HS3ST4: variants seen among roughly 807,000 people sequenced by gnomAD.
HS3ST4 encodes the protein heparan sulfate glucosamine 3-O-sulfotransferase 4.
Under a neutral mutation model 29.2 loss-of-function variants are expected in HS3ST4, and 17 were observed. The ratio of observed to expected loss-of-function variants is 0.58; its 90% CI spans 0.40 to 0.87. The LOEUF (loss-of-function observed/expected upper bound fraction) is 0.87, where lower values mean the gene tolerates loss of function less well. Among genes scored for constraint, HS3ST4 ranks in the 40% least tolerant of loss-of-function variants. HS3ST4 has a pLI of 0.00. For synonymous variants in HS3ST4, 314 were observed against 285.7 expected (o/e 1.10, Z -1.00); for missense variants, 627 against 634.5 (o/e 0.99, Z 0.13).
At chr16:26,092,115 TG>T (rs1278678552) in intron 1 of HS3ST4, among the ~76,000 whole-genome samples, 9 of 152,090 alleles carry the variant, frequency 5.9e-5, no homozygotes, top group Non-Finnish European at 1.3e-4. Flanking sequence ...GGGGACAGAA[TG>T]GGGTGCTCAC....
intron 1 of HS3ST4, among the ~76,000 whole-genome samples, chr16:26,054,734 A>G (rs554729844): frequency 1.3e-5 from 2 of 152,178 alleles, no homozygotes; most frequent in African/African-American, 4.8e-5. Context: ...GATTGTGGCT[A>G]TGGGTTCCAC....
intron 1 of HS3ST4, among the ~76,000 whole-genome samples, chr16:25,905,733 G>C (rs953194323): frequency 1.3e-5 from 2 of 152,130 alleles, no homozygotes; most frequent in Admixed American, 1.3e-4. Context: ...GAGAAATGGG[G>C]GAAGGCTATA....
intron 1 of HS3ST4, among the ~76,000 whole-genome samples, chr16:25,862,445 G>A (rs1197135358): frequency 6.6e-6 from 1 of 152,098 alleles, no homozygotes; most frequent in African/African-American, 2.4e-5. Flanking sequence ...CACCTGCCTG[G>A]GTCTCCCAAA....
rs145528504 is a variant in HS3ST4 at position 25,851,459 on chromosome 16, C to T, written c.734+158308C>T. On this transcript the variant is annotated intron_variant, in intron 1 of 1. Coordinates refer to ENST00000331351, the MANE Select transcript of HS3ST4 (RefSeq NM_006040.3). ...ATCTTCCCAAGTCTTCATTGCATGCCCACTCCTGCCATTGCCTGATTTTCT... is the reference window on the plus strand; with the variant it reads ...ATCTTCCCAAGTCTTCATTGCATGCTCACTCCTGCCATTGCCTGATTTTCT... Among the ~76,000 whole-genome samples, 603 of 152,238 alleles carry T rather than the reference C, an allele frequency of 4.0e-3. 1 individual carries two copies. The highest frequency in any genetic ancestry group is 0.014 in the African/African-American group (584 of 41,546).
At position 25,693,070 on chromosome 16, in the gene HS3ST4, G is replaced by T; in HGVS notation, c.653G>T (p.Arg218Leu). 1.2e-6 allele frequency: 2 copies of T among 1,608,686 alleles called. No individual in the cohort carries two copies. Among genetic ancestry groups the T allele is most frequent in the Non-Finnish European group, 1.7e-6 (2 of 1,177,962 alleles). The change falls in exon 1 of 2, where the codon CGC (arginine) becomes CTC (leucine). Residue 218 changes from arginine to leucine, a missense_variant. Physicochemically the swap from Arg to Leu is moderately radical, Grantham distance 102. Transcript: ENST00000331351. ...GGTRALLEAI[R>L]VHPDVRAVGV... ...ACCCGCGCGCTGCTGGAGGCGATCC[G>T]CGTGCACCCGGACGTGCGGGCGGTG... is the stretch of plus-strand genomic sequence containing the variant.
At chr16:25,898,704 T>G (rs757527673) in intron 1 of HS3ST4, among the ~76,000 whole-genome samples, 1 of 152,222 alleles carries the variant, frequency 6.6e-6, no homozygotes, top group Non-Finnish European at 1.5e-5. Context: ...CAAACAGTGT[T>G]ATTAAATCCT....
chr16:25,794,462 AT>A (rs944165845), intron 1 of HS3ST4, among the ~76,000 whole-genome samples: 88 of 141,692 alleles, frequency 6.2e-4, no homozygotes, highest in African/African-American at 1.1e-3. Context: ...AAATGTCCTT[AT>A]TTTTTTTTTT....
At position 25,858,937 on chromosome 16, in the gene HS3ST4, A is replaced by G. The variant is rs543212318; in HGVS notation, c.734+165786A>G. On this transcript the variant is annotated intron_variant, in intron 1 of 1. Coordinates refer to ENST00000331351, the MANE Select transcript of HS3ST4 (RefSeq NM_006040.3). ...CTCGAGAATACACCAGAAACCTGCA[A>G]CTTTTTGTCTTTCTTTAGTTTGGGT... is the stretch of plus-strand genomic sequence containing the variant. Among the ~76,000 whole-genome samples the G allele has an allele frequency of 2.6e-5, 4 of 152,068 alleles. No individual in the cohort carries two copies. The East Asian group carries it at 5.8e-4, about 22-fold the overall frequency.
chr16:26,130,025 C>T (rs970618330), intron 1 of HS3ST4, among the ~76,000 whole-genome samples: 14 of 152,134 alleles, frequency 9.2e-5, no homozygotes, highest in African/African-American at 3.4e-4. Context: ...CAGAGTGAGA[C>T]CCTAACTCTT....
At chr16:26,018,015 G>C (rs1023777235) in intron 1 of HS3ST4, among the ~76,000 whole-genome samples, 3 of 152,204 alleles carry the variant, frequency 2.0e-5, no homozygotes, top group Non-Finnish European at 4.4e-5. Context: ...TTGGATGCAT[G>C]GGTCAAAGAA....
At chr16:25,938,253 G>A (rs1968536734) in intron 1 of HS3ST4, among the ~76,000 whole-genome samples, 3 of 152,270 alleles carry the variant, frequency 2.0e-5, no homozygotes, top group Admixed American at 2.0e-4. Context: ...AGGAGGCCCA[G>A]GAAAGCTCTC....
chr16:26,061,024 T>G (rs752251010), intron 1 of HS3ST4, among the ~76,000 whole-genome samples: 1 of 152,200 alleles, frequency 6.6e-6, no homozygotes, highest in Non-Finnish European at 1.5e-5. Flanking sequence ...ACTTATTACA[T>G]GTTCCCATCT....
At chr16:25,969,466 G>A (rs1485999250) in intron 1 of HS3ST4, among the ~76,000 whole-genome samples, 1 of 152,200 alleles carries the variant, frequency 6.6e-6, no homozygotes, top group Admixed American at 6.5e-5. Context: ...GGGGGTGGAG[G>A]CACAGTCTGA....
At chr16:25,695,032 C>T (rs770978818) in intron 1 of HS3ST4, among the ~76,000 whole-genome samples, 1 of 152,144 alleles carries the variant, frequency 6.6e-6, no homozygotes, top group African/African-American at 2.4e-5. Flanking sequence ...TCCTAGATTC[C>T]TTTATGCTGA....
chr16:25,826,470 C>T (rs1967216554), intron 1 of HS3ST4: 1 of 152,052 alleles, frequency 6.6e-6, no homozygotes. Flanking sequence ...GGAATTTCCC[C>T]CTGGTGGGTC....
chr16:25,725,838 A>G (rs895988095), intron 1 of HS3ST4, among the ~76,000 whole-genome samples: 3 of 151,898 alleles, frequency 2.0e-5, no homozygotes, highest in Admixed American at 6.6e-5. Flanking sequence ...TTGGGATTAT[A>G]CAATAGTTTT....
At chr16:25,892,637 G>A (rs1968021743) in intron 1 of HS3ST4, among the ~76,000 whole-genome samples, 1 of 152,194 alleles carries the variant, frequency 6.6e-6, no homozygotes, top group Non-Finnish European at 1.5e-5. Context: ...CACTAAAAAG[G>A]AAATTTATTT....
chr16:26,015,181 C>T lies in HS3ST4; in HGVS notation c.735-120431C>T, dbSNP rs140798707. 4.6e-5 allele frequency among the ~76,000 whole-genome samples: 7 copies of T among 152,340 alleles called. No individual in the cohort carries two copies. In the East Asian group the frequency reaches 9.6e-4, roughly 21 times the overall value. ...GTGTGGGGGCCCTCAACCCCATCCT[C>T]ATTTCAGATCAGCTGTCTGCAAATT... is the stretch of plus-strand genomic sequence containing the variant. On this transcript the variant is annotated intron_variant, in intron 1 of 1. Coordinates refer to ENST00000331351, the MANE Select transcript of HS3ST4 (RefSeq NM_006040.3).
intron 1 of HS3ST4, among the ~76,000 whole-genome samples, chr16:25,694,026 G>A (rs141480645): frequency 6.6e-6 from 1 of 152,340 alleles, no homozygotes; most frequent in Admixed American, 6.5e-5. Context: ...TGGTGCAGAT[G>A]CCCCAAACGC....
Sources: allele counts gnomAD v4.1 joint callset (sites outside exome capture counted in the v4.1 genomes callset), GRCh38; gene constraint gnomAD v4.1.1; transcripts MANE v1.5; gene names NCBI Gene and HGNC (gene_info 2026-07-23, HGNC 2026-07-21).